GABRA1: variants seen among roughly 807,000 people sequenced by gnomAD.
GABRA1 encodes the protein gamma-aminobutyric acid receptor subunit alpha-1.
In GABRA1, 9 loss-of-function variants were observed where a neutral mutation model predicts 48.9. That is an observed-to-expected ratio of 0.18 (90% CI 0.11 to 0.32). The LOEUF (loss-of-function observed/expected upper bound fraction) is 0.32, where lower values mean the gene tolerates loss of function less well. GABRA1 is among the 10% of genes least tolerant of loss of function. The probability of loss-of-function intolerance (pLI) is 1.00; values close to 1 mark genes in which losing one functional copy is unlikely to be tolerated. For synonymous variants in GABRA1, 210 were observed against 198.7 expected, an observed-to-expected ratio of 1.06 and a Z score of -0.48; for missense variants, 285 against 553.8, an observed-to-expected ratio of 0.51 and a Z score of 4.87.
intron 7 of GABRA1, among the ~76,000 whole-genome samples, chr5:161,885,219 G>A (rs1178691504): frequency 6.6e-6 from 1 of 151,996 alleles, no homozygotes; most frequent in Non-Finnish European, 1.5e-5. Flanking sequence ...ACTTCCTCTG[G>A]GACCACTTTA....
chr5:161,847,919 A>G (rs1757273349), upstream of GABRA1: 1 of 150,136 alleles, frequency 6.7e-6, no homozygotes, highest in Non-Finnish European at 1.5e-5. Context: ...TCCCTCCCCC[A>G]TTGCCGCTCC....
intron 7 of GABRA1, among the ~76,000 whole-genome samples, chr5:161,888,613 T>C (rs1754951945): frequency 6.6e-6 from 1 of 152,052 alleles, no homozygotes; most frequent in African/African-American, 2.4e-5. Context: ...TGGTGACATT[T>C]TGCAGGCTGC....
intron 7 of GABRA1, among the ~76,000 whole-genome samples, chr5:161,885,475 G>GAATTTTA (rs1754803789): frequency 6.6e-6 from 1 of 152,110 alleles, no homozygotes; most frequent in Non-Finnish European, 1.5e-5. Context: ...CCTGGAGAGA[G>GAATTTTA]AATCATTCAA....
intron 5 of GABRA1, among the ~76,000 whole-genome samples, chr5:161,873,731 T>C (rs1474497055): frequency 1.3e-5 from 2 of 152,160 alleles, no homozygotes; most frequent in African/African-American, 2.4e-5. Context: ...TATGGAAAGT[T>C]ACAAAATTCA....
chr5:161,893,017 ATAATAATAATAAT>A (rs1755179738), intron 8 of GABRA1, among the ~76,000 whole-genome samples: 1 of 108,536 alleles, frequency 9.2e-6, no homozygotes, highest in African/African-American at 3.2e-5. Context: ...AAAAATAATA[ATAATAATAATAAT>A]AATAATAATA....
intron 6 of GABRA1, among the ~76,000 whole-genome samples, chr5:161,877,247 G>A (rs151304133): frequency 5.9e-4 from 90 of 152,194 alleles, no homozygotes; most frequent in African/African-American, 2.1e-3. Context: ...GCCCAGCCTG[G>A]TATAAATACT....
chr5:161,855,002 C>G (rs1757592782), intron 3 of GABRA1, among the ~76,000 whole-genome samples: 1 of 151,272 alleles, frequency 6.6e-6, no homozygotes, highest in East Asian at 1.9e-4. Context: ...GAAGCCAAAT[C>G]AAAATATTGA....
At chr5:161,892,174 C>G (rs1051344369) in intron 8 of GABRA1, among the ~76,000 whole-genome samples, 1 of 152,158 alleles carries the variant, frequency 6.6e-6, no homozygotes, top group Non-Finnish European at 1.5e-5. Flanking sequence ...ATTTGGAAAT[C>G]ACCACTACGT....
At chr5:161,873,065 C>A in intron 4 of GABRA1, 52 bp from the exon 5 acceptor site, 1 of 1,358,758 alleles carries the variant, frequency 7.4e-7, no homozygotes, top group Non-Finnish European at 1.1e-6. Context: ...TAGATATTTG[C>A]ATTGCAAAAT....
chr5:161,893,019 A>AATG (rs1174812013), intron 8 of GABRA1, among the ~76,000 whole-genome samples: 1 of 84,872 alleles, frequency 1.2e-5, no homozygotes, highest in Non-Finnish European at 2.2e-5. Flanking sequence ...AAATAATAAT[A>AATG]ATAATAATAA....
At chr5:161,886,365 G>GTATCTT (rs1754848151) in intron 7 of GABRA1, among the ~76,000 whole-genome samples, 2 of 149,208 alleles carry the variant, frequency 1.3e-5, no homozygotes, top group African/African-American at 2.5e-5. Context: ...TTTTTTGTAT[G>GTATCTT]TATCTTTTTC....
intron 8 of GABRA1, among the ~76,000 whole-genome samples, chr5:161,894,215 T>G (rs2113459172): frequency 6.6e-6 from 1 of 152,228 alleles, no homozygotes; most frequent in Admixed American, 6.5e-5. Flanking sequence ...TTAAATCAAC[T>G]TACAAGAAAA....
At chr5:161,852,752 A>G (rs1030996211) in intron 2 of GABRA1, among the ~76,000 whole-genome samples, 3 of 152,042 alleles carry the variant, frequency 2.0e-5, no homozygotes, top group Non-Finnish European at 4.4e-5. Flanking sequence ...GAGACACATT[A>G]CATATATCCA....
In GABRA1 at chr5:161,897,121, T is replaced by C. The variant is rs749707253; in HGVS notation, c.1070T>C (p.Val357Ala). Residue 357 changes from valine (V) to alanine (A), a missense_variant, in exon 10 of 10, where the codon GTA (valine) becomes GCA (alanine). Val to Ala is a moderately conservative substitution (Grantham distance 64, BLOSUM62 0). Transcript: ENST00000393943. ...TCTTTCTTTCTACAGCCAAAGAAAG[T>C]AAAGGATCCTCTTATTAAGAAAAAC... Reference protein sequence around the residue: ...KSVVPEKPKKVKDPLIKKNNT... With the variant: ...KSVVPEKPKKAKDPLIKKNNT... 11 of 1,613,856 alleles carry C rather than the reference T, an allele frequency of 6.8e-6. No individual in the cohort carries two copies. The Admixed American group carries it at 1.8e-4, about 27-fold the overall frequency.
intron 4 of GABRA1, among the ~76,000 whole-genome samples, chr5:161,866,764 A>G (rs975295303): frequency 9.9e-5 from 15 of 152,134 alleles, no homozygotes; most frequent in Non-Finnish European, 1.5e-4. Flanking sequence ...TGTAGAACTA[A>G]TATTCTGTGA....
At chr5:161,879,994 G>A (rs1210392787) in intron 6 of GABRA1, among the ~76,000 whole-genome samples, 3 of 152,180 alleles carry the variant, frequency 2.0e-5, no homozygotes, top group African/African-American at 4.8e-5. Context: ...ACAAGATCTA[G>A]ACTTGGTTTC....
chr5:161,882,220 C>T, intron 6 of GABRA1: 1 of 354,088 alleles, frequency 2.8e-6, no homozygotes, highest in South Asian at 2.5e-5. Context: ...CTTGAAATTA[C>T]ATACGTATTT....
chr5:161,854,280 A>G lies in GABRA1; in HGVS notation c.187+10A>G. On this transcript the variant is annotated intron_variant, in intron 3 of 9. Transcript: ENST00000393943. Reference sequence around the variant, plus strand: ...AGACCAGGATTGGGAGGTAGGTTGCATTATTGTATTTTTGTTTTAGAGAAT... The same window carrying G: ...AGACCAGGATTGGGAGGTAGGTTGCGTTATTGTATTTTTGTTTTAGAGAAT... 1.4e-6 allele frequency: 2 copies of G among 1,404,870 alleles called. No homozygotes were observed. The highest frequency in any genetic ancestry group is 2.0e-6 in the Non-Finnish European group (2 of 989,298). The allele number at this position is 1,404,870 out of a possible 1,614,324, so 87.0% of individuals were successfully genotyped here. A position where few individuals can be genotyped will look rare whatever the true frequency, so the allele number is the denominator to read the frequency against.
intron 4 of GABRA1, among the ~76,000 whole-genome samples, chr5:161,866,691 C>G (rs1753871772): frequency 1.3e-5 from 2 of 152,178 alleles, no homozygotes; most frequent in South Asian, 4.1e-4. Context: ...TATATTTTAT[C>G]TGGTGTTTTC....
Sources: allele counts gnomAD v4.1 joint callset (sites outside exome capture counted in the v4.1 genomes callset), GRCh38; gene constraint gnomAD v4.1.1; transcripts MANE v1.5; gene names NCBI Gene and HGNC (gene_info 2026-07-23, HGNC 2026-07-21).